SHROOM3: variants seen among roughly 807,000 people sequenced by gnomAD.
SHROOM3 encodes protein Shroom3.
In SHROOM3, 47 loss-of-function variants were observed where a neutral mutation model predicts 138.6. The ratio of observed to expected loss-of-function variants is 0.34; its 90% confidence interval spans 0.27 to 0.43. The LOEUF (loss-of-function observed/expected upper bound fraction) is 0.43, where lower values mean the gene tolerates loss of function less well. Among genes scored for constraint, SHROOM3 ranks in the 20% least tolerant of loss-of-function variants. SHROOM3 has a pLI of 1.00. For missense variants in SHROOM3, 2,491 were observed against 2,596.5 expected (o/e 0.96, Z 0.88); for synonymous variants, 1,062 against 1,063.3 (o/e 1.00, Z 0.02).
At chr4:76,770,500 A>G (rs960272815) in intron 9 of SHROOM3, 126 bp from the exon 10 acceptor site, 7 of 1,071,078 alleles carry the variant, frequency 6.5e-6, no homozygotes, top group Middle Eastern at 2.9e-4. Flanking sequence ...GGGACACTCC[A>G]TATAGAGAAG....
chr4:76,667,061 AG>A (rs1314438542), intron 2 of SHROOM3, among the ~76,000 whole-genome samples: 1 of 152,224 alleles, frequency 6.6e-6, no homozygotes, highest in Non-Finnish European at 1.5e-5. Context: ...GGTGGTTGGC[AG>A]GGGCTGGGGA....
chr4:76,507,606 G>C (rs1374478796), intron 1 of SHROOM3, among the ~76,000 whole-genome samples: 2 of 148,598 alleles, frequency 1.3e-5, no homozygotes, highest in Non-Finnish European at 3.0e-5. Context: ...GCGTGATCTC[G>C]GCTCACTGCA....
At chr4:76,762,099 A>G (rs1303446389) in intron 9 of SHROOM3, among the ~76,000 whole-genome samples, 3 of 152,112 alleles carry the variant, frequency 2.0e-5, no homozygotes, top group African/African-American at 7.2e-5. Flanking sequence ...ATGGTATTAG[A>G]ATTCAGAAGA....
At chr4:76,503,023 A>T (rs1732132535) in intron 1 of SHROOM3, among the ~76,000 whole-genome samples, 1 of 152,130 alleles carries the variant, frequency 6.6e-6, no homozygotes, top group Non-Finnish European at 1.5e-5. Context: ...TTGTGCCAAT[A>T]TTATACAATC....
intron 1 of SHROOM3, among the ~76,000 whole-genome samples, chr4:76,453,866 A>G (rs1730975838): frequency 6.6e-6 from 1 of 152,160 alleles, no homozygotes; most frequent in African/African-American, 2.4e-5. Context: ...TTGATGCATG[A>G]AAGTTTTAAA....
Position 76,664,105 on chromosome 4 carries a change from C to T in SHROOM3, c.324-46051C>T, listed in dbSNP as rs565566314. ...AACTACTTGCTGGCTGTAAGTCTGG[C>T]GTCATTGAAAGAATACTTTCTCTGT... On this transcript the variant is annotated intron_variant, in intron 2 of 10. Transcript: ENST00000296043. The surrounding 1 kb of genome is among the most constrained non-coding windows in gnomAD (Gnocchi z 4.2). Among the ~76,000 whole-genome samples the T allele has an allele frequency of 1.2e-4, 19 of 152,286 alleles. No individual in the cohort carries two copies. The highest frequency in any genetic ancestry group is 3.8e-4 in the African/African-American group (16 of 41,566).
intron 7 of SHROOM3, among the ~76,000 whole-genome samples, chr4:76,756,058 CAGG>C (rs1721800405): frequency 6.6e-6 from 1 of 152,180 alleles, no homozygotes; most frequent in African/African-American, 2.4e-5. Flanking sequence ...CCATCTTCCT[CAGG>C]AGATGACAAC....
At chr4:76,533,273 G>A (rs888805247) in intron 1 of SHROOM3, among the ~76,000 whole-genome samples, 11 of 152,140 alleles carry the variant, frequency 7.2e-5, no homozygotes, top group Non-Finnish European at 1.2e-4. Context: ...ACCTCTGGGT[G>A]CCCTGGGCAC....
chr4:76,574,911 G>C (rs1208260091), intron 2 of SHROOM3, among the ~76,000 whole-genome samples: 1 of 152,096 alleles, frequency 6.6e-6, no homozygotes, highest in African/African-American at 2.4e-5. Flanking sequence ...TACAAAAATG[G>C]GAATATACTT....
At chr4:76,769,539 G>A (rs1722280237) in intron 9 of SHROOM3, among the ~76,000 whole-genome samples, 1 of 152,138 alleles carries the variant, frequency 6.6e-6, no homozygotes, top group Non-Finnish European at 1.5e-5. Flanking sequence ...AATATATTGG[G>A]TATTTGCTTC....
intron 1 of SHROOM3, among the ~76,000 whole-genome samples, chr4:76,475,708 A>G (rs968386336): frequency 1.3e-5 from 2 of 152,208 alleles, no homozygotes; most frequent in Non-Finnish European, 2.9e-5. Flanking sequence ...TTTGGATTGA[A>G]AACCACAAGC....
intron 2 of SHROOM3, among the ~76,000 whole-genome samples, chr4:76,651,329 G>A (rs1250110232): frequency 6.8e-6 from 1 of 146,906 alleles, no homozygotes; most frequent in Non-Finnish European, 1.5e-5. Flanking sequence ...TGAGGGGGAT[G>A]GATACCCCAT....
chr4:76,698,315 C>T (rs1394266295), intron 2 of SHROOM3, among the ~76,000 whole-genome samples: 1 of 152,212 alleles, frequency 6.6e-6, no homozygotes, highest in Non-Finnish European at 1.5e-5. Flanking sequence ...CAATAATCCT[C>T]TTGGGCAAAG....
At chr4:76,687,204 G>A (rs1377836759) in intron 2 of SHROOM3, among the ~76,000 whole-genome samples, 1 of 152,168 alleles carries the variant, frequency 6.6e-6, no homozygotes, top group Non-Finnish European at 1.5e-5. Context: ...GACTGGCCAT[G>A]CACACCCTTT....
Position 76,754,599 on chromosome 4 carries a change from G to C in SHROOM3, c.4116G>C (p.Gln1372His), listed in dbSNP as rs1382168608. 3 of 1,614,060 alleles carry C rather than the reference G, an allele frequency of 1.9e-6. No individual in the cohort carries two copies. In the African/African-American group the frequency reaches 4.0e-5, roughly 22 times the overall value. The change falls in exon 7 of 11, where the codon CAG (glutamine) becomes CAC (histidine). Residue 1372 changes from glutamine (Q) to histidine (H), a missense_variant. Physicochemically the swap from Gln to His is conservative, Grantham distance 24. Around this residue, in one of 4 missense-constraint regions of SHROOM3, gnomAD observed 1,733 missense variants for 1,661.6 expected, o/e 1.04. Coordinates refer to ENST00000296043, the MANE Select transcript of SHROOM3 (RefSeq NM_020859.4). Reference protein sequence around the residue: ...IPSGYCSQDGQTGRQPLPPYT... With the variant: ...IPSGYCSQDGHTGRQPLPPYT... The stretch of plus-strand genomic sequence containing the variant: ...CTGGCTACTGCTCACAGGACGGTCA[G>C]ACAGGGCGACAGCCTCTCCCGCCCT...
intron 2 of SHROOM3, among the ~76,000 whole-genome samples, chr4:76,625,685 T>C (rs1735120313): frequency 6.6e-6 from 1 of 152,198 alleles, no homozygotes; most frequent in African/African-American, 2.4e-5. Context: ...TTCCTGAGCA[T>C]ACCATACTTT....
chr4:76,574,192 T>C (rs1733890091), intron 2 of SHROOM3, among the ~76,000 whole-genome samples: 1 of 152,188 alleles, frequency 6.6e-6, no homozygotes, highest in Non-Finnish European at 1.5e-5. Context: ...CACTCTTCTC[T>C]GTGCTTCCCT....
At position 76,619,945 on chromosome 4, in the gene SHROOM3, C is replaced by T. The variant is rs188275853; in HGVS notation, c.323+64182C>T. Reference sequence around the variant, plus strand: ...GGAGTGGTGGCACATGCCTGTAATCCGACCTACTCGGGAGGCTGAGGCAGG... The same window carrying T: ...GGAGTGGTGGCACATGCCTGTAATCTGACCTACTCGGGAGGCTGAGGCAGG... On this transcript the variant is annotated intron_variant, in intron 2 of 10. Transcript: ENST00000296043. Among the ~76,000 whole-genome samples the T allele has an allele frequency of 3.5e-4, 53 of 151,874 alleles. No individual in the cohort carries two copies. In the East Asian group the frequency reaches 6.6e-3, roughly 19 times the overall value.
chr4:76,730,721 T>C, intron 3 of SHROOM3, 83 bp from the exon 4 acceptor site: 1 of 1,595,752 alleles, frequency 6.3e-7, no homozygotes, highest in Non-Finnish European at 8.6e-7. Flanking sequence ...CAGTCTTCGC[T>C]TCCAAATCCA....
Sources: allele counts gnomAD v4.1 joint callset (sites outside exome capture counted in the v4.1 genomes callset), GRCh38; gene constraint gnomAD v4.1.1; regional missense constraint gnomAD v4.1.1; non-coding constraint Gnocchi (gnomAD v3.1); transcripts MANE v1.5; gene names NCBI Gene and HGNC (gene_info 2026-07-23, HGNC 2026-07-21).